HNF4A: variants seen among roughly 807,000 people sequenced by gnomAD.
HNF4A encodes the protein hepatocyte nuclear factor 4 alpha, also known as hepatocyte nuclear factor 4-alpha.
HNF4A carries 15 observed loss-of-function variants against 52.4 expected under a neutral mutation model. The observed-to-expected ratio is 0.29, with a 90% CI of 0.19 to 0.44. The LOEUF is 0.44. HNF4A is among the 20% of genes least tolerant of loss of function. The pLI, the probability that HNF4A is intolerant of heterozygous loss-of-function variation, is 1.00. For missense variants in HNF4A, 479 were observed against 647.2 expected, an observed-to-expected ratio of 0.74 and a Z score of 2.82; for synonymous variants, 280 against 264.4, an observed-to-expected ratio of 1.06 and a Z score of -0.57.
intron 7 of HNF4A, among the ~76,000 whole-genome samples, chr20:44,421,141 TTTA>T (rs1236737456): frequency 1.3e-5 from 2 of 152,174 alleles, no homozygotes; most frequent in African/African-American, 4.8e-5. Context: ...GTTATGTGCT[TTTA>T]TCTTTCCTTT....
At position 44,401,331 on chromosome 20, in the gene HNF4A, G is replaced by T; in HGVS notation, c.-42G>T. On this transcript the variant is annotated 5_prime_UTR_variant, in exon 1 of 10. Transcript: ENST00000316099. ...GAGGGCGGGGGCCTTCGGGGTGGGC[G>T]CCCAGGGTAGGGCAGGTGGCCGCGG... 6.2e-7 allele frequency: 1 copy of T among 1,613,208 alleles called. No individual in the cohort carries two copies. The highest frequency in any genetic ancestry group is 2.2e-5 in the East Asian group (1 of 44,864).
chr20:44,364,840 G>A (rs1455880440), intron 1 of HNF4A, among the ~76,000 whole-genome samples: 1 of 152,164 alleles, frequency 6.6e-6, no homozygotes, highest in South Asian at 2.1e-4. Flanking sequence ...CAGACTTTAA[G>A]TTAGAAGTTT....
chr20:44,364,300 C>T (rs2062948390), intron 1 of HNF4A, among the ~76,000 whole-genome samples: 1 of 152,138 alleles, frequency 6.6e-6, no homozygotes, highest in African/African-American at 2.4e-5. Context: ...CCTCAGCCTC[C>T]CAGCCCCTGG....
chr20:44,403,807 G>A (rs566363730), intron 1 of HNF4A, among the ~76,000 whole-genome samples: 196 of 152,320 alleles, frequency 1.3e-3, no homozygotes, highest in Admixed American at 4.5e-3. Flanking sequence ...GTCCTCATCT[G>A]TGGAATAGAG....
At chr20:44,392,407 A>G (rs2063311881) in intron 1 of HNF4A, among the ~76,000 whole-genome samples, 1 of 152,160 alleles carries the variant, frequency 6.6e-6, no homozygotes, top group African/African-American at 2.4e-5. Flanking sequence ...GGGTCTCAAT[A>G]TTGGCTGCAC....
chr20:44,363,529 G>C (rs1170581339), intron 1 of HNF4A, among the ~76,000 whole-genome samples: 1 of 151,860 alleles, frequency 6.6e-6, no homozygotes, highest in Non-Finnish European at 1.5e-5. Flanking sequence ...TGGGGGTGCT[G>C]GTTCATAGAT....
At chr20:44,412,586 G>C (rs1008484522) in intron 3 of HNF4A, among the ~76,000 whole-genome samples, 1 of 152,156 alleles carries the variant, frequency 6.6e-6, no homozygotes, top group African/African-American at 2.4e-5. Context: ...CTGGTTTTGA[G>C]CAGCAGGCGA....
At chr20:44,409,376 C>T (rs777121005) in intron 3 of HNF4A, among the ~76,000 whole-genome samples, 1 of 152,220 alleles carries the variant, frequency 6.6e-6, no homozygotes, top group Non-Finnish European at 1.5e-5. Flanking sequence ...AGATTGAGAA[C>T]TACAGTCTAA....
chr20:44,358,610 CAAAA>C (rs201579695), intron 1 of HNF4A, among the ~76,000 whole-genome samples: 1 of 145,570 alleles, frequency 6.9e-6, no homozygotes, highest in Admixed American at 6.8e-5. Flanking sequence ...GACTCTATCT[CAAAA>C]AAAACAAAAC....
intron 7 of HNF4A, among the ~76,000 whole-genome samples, chr20:44,422,756 T>C (rs1291834191): frequency 1.3e-5 from 2 of 151,472 alleles, no homozygotes; most frequent in Non-Finnish European, 2.9e-5. Flanking sequence ...CTTGGCTCAC[T>C]GCGACCTCCA....
chr20:44,397,870 G>A (rs572159416), upstream of HNF4A, among the ~76,000 whole-genome samples: 24 of 152,176 alleles, frequency 1.6e-4, no homozygotes, highest in East Asian at 1.4e-3. Flanking sequence ...CAGGTGATCT[G>A]CCTGCCTCGG....
In HNF4A at chr20:44,413,770, G is replaced by T. The variant is rs370329321; in HGVS notation, c.462G>T (p.Ala154=). The T allele has an allele frequency of 6.2e-7, 1 of 1,613,486 alleles. No individual in the cohort carries two copies. Residue 154 remains alanine, a synonymous_variant, in exon 4 of 10, where the codon GCG becomes GCT. Coordinates refer to ENST00000316099, the MANE Select transcript of HNF4A (RefSeq NM_000457.6). ...ACAGCAGCCTGCCCTCCATCAATGC[G>T]CTCCTGCAGGCGGAGGTCCTGTCCC...
At chr20:44,423,069 C>A (rs1040018705) in intron 7 of HNF4A, among the ~76,000 whole-genome samples, 1 of 152,166 alleles carries the variant, frequency 6.6e-6, no homozygotes, top group Admixed American at 6.5e-5. Context: ...GTAATCCCAA[C>A]ATTTTGGGAG....
intron 1 of HNF4A, among the ~76,000 whole-genome samples, chr20:44,373,724 C>T (rs369691101): frequency 5.3e-5 from 8 of 151,944 alleles, no homozygotes; most frequent in South Asian, 4.1e-4. Flanking sequence ...GACAGTCTTG[C>T]TCCATTGCCC....
rs868536671 is a variant in HNF4A at position 44,424,098 on chromosome 20, G to A, written c.973G>A (p.Asp325Asn). The change falls in exon 8 of 10, where the codon GAC (aspartate) becomes AAC (asparagine). Residue 325 changes from aspartate (D) to asparagine (N), a missense_variant. Asp to Asn is a conservative substitution (Grantham distance 23). Transcript: ENST00000316099. ...GGTGAGCTTGGAGGACTACATCAAC[G>A]ACCGCCAGTATGACTCGCGTGGCCG... The A allele has an allele frequency of 5.0e-6, 8 of 1,613,246 alleles. No individual in the cohort carries two copies. The highest frequency in any genetic ancestry group is 2.2e-5 in the East Asian group (1 of 44,872).
chr20:44,407,371 C>G lies in HNF4A; in HGVS notation c.291-10C>G, dbSNP rs1312976688. The G allele has an allele frequency of 3.7e-6, 6 of 1,602,092 alleles. No individual in the cohort carries two copies. Among genetic ancestry groups the G allele is most frequent in the Non-Finnish European group, 4.3e-6 (5 of 1,171,766 alleles). On this transcript the variant is annotated splice_polypyrimidine_tract_variant and intron_variant, in intron 2 of 9. Transcript: ENST00000316099. ...GTCTTCTCCATCCAACCATCCAAAG[C>G]CCTCCCCAGATTTAGCCGGCAGTGC...
chr20:44,373,675 C>T (rs1370668391), intron 1 of HNF4A, among the ~76,000 whole-genome samples: 1 of 151,898 alleles, frequency 6.6e-6, no homozygotes, highest in East Asian at 1.9e-4. Flanking sequence ...ACTATACACA[C>T]CCTTTTTTTT....
chr20:44,382,291 T>G (rs575677706), intron 1 of HNF4A, among the ~76,000 whole-genome samples: 2 of 151,192 alleles, frequency 1.3e-5, no homozygotes, highest in South Asian at 4.2e-4. Context: ...CGGGCTAGAG[T>G]GCGGTGGCGA....
chr20:44,365,699 A>C (rs2062963465), intron 1 of HNF4A, among the ~76,000 whole-genome samples: 1 of 152,208 alleles, frequency 6.6e-6, no homozygotes, highest in South Asian at 2.1e-4. Flanking sequence ...AGACTAAAAC[A>C]ATAAGTTATA....
Sources: allele counts gnomAD v4.1 joint callset (sites outside exome capture counted in the v4.1 genomes callset), GRCh38; gene constraint gnomAD v4.1.1; transcripts MANE v1.5; gene names NCBI Gene and HGNC (gene_info 2026-07-23, HGNC 2026-07-21).